The following MBNL1 variants were observed in gnomAD, a reference collection of about 807,000 sequenced individuals.
MBNL1 encodes muscleblind-like protein 1.
MBNL1 carries 8 observed loss-of-function variants against 42.2 expected under a neutral mutation model. The observed-to-expected ratio is 0.19, with a 90% CI of 0.11 to 0.34. MBNL1 has a LOEUF of 0.34. Ranked by LOEUF, MBNL1 falls within the 10% of genes least tolerant of loss-of-function variation. The pLI is 1.00. For synonymous variants in MBNL1, 169 were observed against 173.9 expected, an observed-to-expected ratio of 0.97 and a Z score of 0.22; for missense variants, 309 against 495.3, an observed-to-expected ratio of 0.62 and a Z score of 3.57.
intron 2 of MBNL1, among the ~76,000 whole-genome samples, chr3:152,322,500 C>A (rs2077034502): frequency 6.6e-6 from 1 of 151,978 alleles, no homozygotes; most frequent in Non-Finnish European, 1.5e-5. Flanking sequence ...ACACTAAAAT[C>A]ATTTAACTTG....
chr3:152,369,168 AT>A (rs1221483726), intron 2 of MBNL1, among the ~76,000 whole-genome samples: 2 of 152,100 alleles, frequency 1.3e-5, no homozygotes, highest in Non-Finnish European at 2.9e-5. Flanking sequence ...AGCTCTTATT[AT>A]TTTGAGATAC....
At chr3:152,414,353 A>G (rs1443673786) in intron 2 of MBNL1, among the ~76,000 whole-genome samples, 1 of 152,166 alleles carries the variant, frequency 6.6e-6, no homozygotes, top group Admixed American at 6.5e-5. Context: ...ATACTTATTA[A>G]TCTCTATATA....
intron 2 of MBNL1, among the ~76,000 whole-genome samples, chr3:152,404,656 A>C (rs1000036446): frequency 1.3e-5 from 2 of 151,662 alleles, no homozygotes; most frequent in African/African-American, 4.8e-5. Context: ...GTCTAACTTT[A>C]TATCTTTAAT....
At chr3:152,388,996 G>A (rs2097561087) in intron 2 of MBNL1, among the ~76,000 whole-genome samples, 1 of 152,168 alleles carries the variant, frequency 6.6e-6, no homozygotes, top group Non-Finnish European at 1.5e-5. Flanking sequence ...CTGGTTTAGA[G>A]CCTAATTCAC....
At chr3:152,304,529 A>G (rs1186834454) in intron 2 of MBNL1, among the ~76,000 whole-genome samples, 1 of 152,184 alleles carries the variant, frequency 6.6e-6, no homozygotes, top group Non-Finnish European at 1.5e-5. Context: ...ATTTTTAACC[A>G]CTGGTATCTC....
At position 152,268,937 on chromosome 3, in the gene MBNL1, C is replaced by G. The variant is rs752424293; in HGVS notation, c.-945C>G. 2.2e-6 allele frequency: 1 copy of G among 456,252 alleles called. No individual in the cohort carries two copies. Among genetic ancestry groups the G allele is most frequent in the Non-Finnish European group, 4.4e-6 (1 of 226,938 alleles). 28.3% of individuals were successfully genotyped at this position (456,252 alleles called of 1,614,324 possible). Reference sequence around the variant, plus strand: ...GCACAGCGACATGCAACAGTCTTTTCACTGCAGCTGAATGAGTTGTGGCGC... The same window carrying G: ...GCACAGCGACATGCAACAGTCTTTTGACTGCAGCTGAATGAGTTGTGGCGC... On this transcript the variant is annotated 5_prime_UTR_variant, in exon 1 of 10. Transcript: ENST00000324210.
At chr3:152,378,077 C>A (rs1579059242) in intron 2 of MBNL1, among the ~76,000 whole-genome samples, 1 of 152,276 alleles carries the variant, frequency 6.6e-6, no homozygotes, top group East Asian at 1.9e-4. Flanking sequence ...TGGCTCATTC[C>A]TGTAATCCCT....
intron 2 of MBNL1, among the ~76,000 whole-genome samples, chr3:152,388,134 A>T (rs927797396): frequency 6.6e-6 from 1 of 152,172 alleles, no homozygotes; most frequent in East Asian, 1.9e-4. Flanking sequence ...ACTGTCCCAA[A>T]GATTCATTAC....
upstream of MBNL1, chr3:152,266,879 A>G (rs1054927107): frequency 5.3e-5 from 8 of 152,202 alleles, no homozygotes; most frequent in African/African-American, 1.9e-4. Flanking sequence ...CGTCACAGGA[A>G]CTTTCTGCAA....
intron 2 of MBNL1, among the ~76,000 whole-genome samples, chr3:152,306,329 C>T (rs1470808348): frequency 1.3e-5 from 2 of 152,186 alleles, no homozygotes; most frequent in African/African-American, 2.4e-5. Context: ...GTCTATTTGG[C>T]GACTCTATAG....
At chr3:152,410,431 A>G (rs1171633154) in intron 2 of MBNL1, among the ~76,000 whole-genome samples, 2 of 152,248 alleles carry the variant, frequency 1.3e-5, no homozygotes, top group Non-Finnish European at 2.9e-5. Context: ...CTTTTAATTG[A>G]AAAGTACAGA....
rs560881135 is a variant in MBNL1 at position 152,275,886 on chromosome 3, TTTTG to T, written c.-790+6798_-790+6801del. ...TACTTATTTTGAAGTAACTAAGTTT[TTTTG>T]TTTATTTCTTGAAAGAAACAATAGA... On this transcript the variant is annotated intron_variant, in intron 1 of 9. Coordinates refer to ENST00000324210, the MANE Select transcript of MBNL1 (RefSeq NM_021038.5). Among the ~76,000 whole-genome samples, 889 of 152,088 alleles carry T rather than the reference TTTTG, an allele frequency of 5.8e-3. 9 individuals carry two copies. The highest frequency in any genetic ancestry group is 7.7e-3 in the Non-Finnish European group (524 of 67,976).
intron 2 of MBNL1, among the ~76,000 whole-genome samples, chr3:152,358,400 AT>A (rs2095681670): frequency 6.6e-6 from 1 of 152,190 alleles, no homozygotes; most frequent in Admixed American, 6.5e-5. Flanking sequence ...TAGTCCTGGT[AT>A]GTGAGAGAAA....
chr3:152,286,751 A>G (rs1164614022), intron 1 of MBNL1, among the ~76,000 whole-genome samples: 2 of 151,892 alleles, frequency 1.3e-5, no homozygotes, highest in African/African-American at 4.8e-5. Flanking sequence ...TAGACATTAG[A>G]TAGGAAAGTA....
intron 2 of MBNL1, among the ~76,000 whole-genome samples, chr3:152,414,649 CT>C (rs2098665698): frequency 6.6e-6 from 1 of 152,056 alleles, no homozygotes; most frequent in African/African-American, 2.4e-5. Flanking sequence ...TAGTATTACC[CT>C]AGCAGTTTGT....
intron 6 of MBNL1, among the ~76,000 whole-genome samples, chr3:152,454,419 C>CA (rs1362740722): frequency 1.3e-5 from 2 of 152,130 alleles, no homozygotes; most frequent in African/African-American, 4.8e-5. Flanking sequence ...AGTATTTAAA[C>CA]AGGATATGCT....
chr3:152,456,248 A>G lies in MBNL1; in HGVS notation c.998-19A>G. On this transcript the variant is annotated intron_variant, in intron 7 of 9. Coordinates refer to ENST00000324210, the MANE Select transcript of MBNL1 (RefSeq NM_021038.5). ...TACACTCTTCTGTATGTTCGCTTAT[A>G]TGATTTTCCCTCCGAAAGTTCCCAT... The G allele has an allele frequency of 6.4e-7, 1 of 1,571,076 alleles. No homozygotes were observed. Among genetic ancestry groups the G allele is most frequent in the Non-Finnish European group, 8.8e-7 (1 of 1,140,794 alleles).
chr3:152,277,679 G>T (rs2046070607), intron 1 of MBNL1, among the ~76,000 whole-genome samples: 1 of 152,054 alleles, frequency 6.6e-6, no homozygotes, highest in Non-Finnish European at 1.5e-5. Context: ...TGTCTTTTTA[G>T]TTTGAGGACC....
chr3:152,435,433 G>T (rs1177368705), intron 4 of MBNL1, among the ~76,000 whole-genome samples: 1 of 152,140 alleles, frequency 6.6e-6, no homozygotes, highest in South Asian at 2.1e-4. Context: ...TGCTGTTTGG[G>T]TTACTGTAGC....
Sources: gnomAD v4.1 joint callset for allele counts (sites outside exome capture counted in the v4.1 genomes callset) on GRCh38, gnomAD v4.1.1 for gene constraint, MANE v1.5 for transcripts, NCBI Gene and HGNC (gene_info 2026-07-23, HGNC 2026-07-21) for gene names.